KIFAP3: variants seen among roughly 807,000 people sequenced by gnomAD.
KIFAP3 encodes kinesin associated protein 3, also known as kinesin-associated protein 3.
A neutral mutation model predicts 106.5 loss-of-function variants in KIFAP3; 68 were observed. The observed-to-expected ratio is 0.64, with a 90% CI of 0.53 to 0.78. The LOEUF is 0.78. KIFAP3 is among the 30% of genes least tolerant of loss of function. The pLI, the probability that KIFAP3 is intolerant of heterozygous loss-of-function variation, is 0.00. For missense variants in KIFAP3, 780 were observed against 941.8 expected (o/e 0.83, Z 2.25); for synonymous variants, 320 against 311.5 (o/e 1.03, Z -0.29).
chr1:169,999,699 T>C (rs1055910260), intron 10 of KIFAP3, among the ~76,000 whole-genome samples: 1 of 152,186 alleles, frequency 6.6e-6, no homozygotes, highest in African/African-American at 2.4e-5. Flanking sequence ...GAATTCACCG[T>C]TAATTAGCTG....
intron 19 of KIFAP3, 132 bp from the exon 20 acceptor site, chr1:169,921,913 A>G: frequency 2.0e-6 from 1 of 512,684 alleles, no homozygotes; most frequent in Non-Finnish European, 3.1e-6. Flanking sequence ...GGATATCATT[A>G]ACTTTTTTTT....
chr1:169,953,704 C>T (rs938560940), intron 19 of KIFAP3, among the ~76,000 whole-genome samples: 10 of 152,080 alleles, frequency 6.6e-5, no homozygotes, highest in African/African-American at 4.8e-5. Context: ...TTAGTAGAGA[C>T]GGGGTTTCAC....
At chr1:169,931,331 A>G (rs1663464308) in intron 19 of KIFAP3, among the ~76,000 whole-genome samples, 1 of 152,196 alleles carries the variant, frequency 6.6e-6, no homozygotes, top group African/African-American at 2.4e-5. Context: ...AAATAACTGG[A>G]GCCATTAAAA....
intron 19 of KIFAP3, among the ~76,000 whole-genome samples, chr1:169,943,348 CTG>C (rs1356616577): frequency 6.6e-6 from 1 of 152,022 alleles, no homozygotes; most frequent in Admixed American, 6.5e-5. Flanking sequence ...AATCTAACAA[CTG>C]TTCATAAATA....
intron 6 of KIFAP3, 110 bp from the exon 7 acceptor site, chr1:170,034,606 A>G: frequency 4.0e-6 from 2 of 499,746 alleles, no homozygotes; most frequent in Non-Finnish European, 6.8e-6. Flanking sequence ...AATTTGATAT[A>G]CATATTTTAA....
At chr1:169,998,738 C>T (rs953506456) in intron 10 of KIFAP3, among the ~76,000 whole-genome samples, 2 of 152,080 alleles carry the variant, frequency 1.3e-5, no homozygotes, top group African/African-American at 4.8e-5. Flanking sequence ...TAGTTCTATC[C>T]TACAGTTACA....
intron 16 of KIFAP3, among the ~76,000 whole-genome samples, chr1:169,977,594 T>C (rs1666290883): frequency 6.6e-6 from 1 of 152,184 alleles, no homozygotes; most frequent in African/African-American, 2.4e-5. Flanking sequence ...CAATGCTCTT[T>C]AGGCTACAAC....
chr1:169,992,589 G>GATAAATA (rs1367062249), intron 10 of KIFAP3, among the ~76,000 whole-genome samples: 4 of 152,026 alleles, frequency 2.6e-5, no homozygotes, highest in African/African-American at 9.7e-5. Context: ...ATCAAAATAT[G>GATAAATA]TGATTAATAC....
intron 1 of KIFAP3, among the ~76,000 whole-genome samples, chr1:170,069,611 A>C (rs941814546): frequency 6.6e-6 from 1 of 152,126 alleles, no homozygotes; most frequent in Non-Finnish European, 1.5e-5. Context: ...ACAAAACCCA[A>C]CATCTTTTCA....
intron 16 of KIFAP3, among the ~76,000 whole-genome samples, chr1:169,976,528 A>G (rs544979394): frequency 6.6e-6 from 1 of 152,306 alleles, no homozygotes; most frequent in Admixed American, 6.5e-5. Flanking sequence ...GTTCAAAAGC[A>G]TATTTGGAGT....
At chr1:170,054,245 A>C (rs1018185691) in intron 2 of KIFAP3, among the ~76,000 whole-genome samples, 2 of 152,236 alleles carry the variant, frequency 1.3e-5, no homozygotes, top group African/African-American at 4.8e-5. Flanking sequence ...ACATGAAAAG[A>C]AGCTCATCAT....
At chr1:169,989,347 C>T (rs1313462689) in intron 11 of KIFAP3, among the ~76,000 whole-genome samples, 1 of 151,858 alleles carries the variant, frequency 6.6e-6, no homozygotes, top group Non-Finnish European at 1.5e-5. Flanking sequence ...TTATTTAATG[C>T]TATTCTCTTT....
rs146471865 is a variant in KIFAP3, at chr1:170,062,358, A to G, written c.33-6922T>C. On this transcript the variant is annotated intron_variant, in intron 1 of 19. Transcript: ENST00000361580. ...TATTAACACTGCTTTTCATTGTTAC[A>G]AAACTCTTTTTGTGTTTGGTTTTTT... is the stretch of plus-strand genomic sequence containing the variant. Among the ~76,000 whole-genome samples, 71 of 151,792 alleles carry G rather than the reference A, an allele frequency of 4.7e-4. 1 individual carries two copies. The East Asian group carries it at 0.013, about 28-fold the overall frequency.
chr1:170,030,395 A>T (rs1006069736), intron 8 of KIFAP3, among the ~76,000 whole-genome samples: 6 of 151,888 alleles, frequency 4.0e-5, no homozygotes, highest in African/African-American at 1.4e-4. Flanking sequence ...TATAAAAACA[A>T]CTATTATAGA....
At chr1:169,935,899 T>C (rs551970182) in intron 19 of KIFAP3, among the ~76,000 whole-genome samples, 19 of 152,138 alleles carry the variant, frequency 1.2e-4, no homozygotes, top group African/African-American at 4.1e-4. Context: ...GTCTGAGTTC[T>C]ATCTAATTCA....
chr1:169,941,073 T>C (rs1447731506), intron 19 of KIFAP3, among the ~76,000 whole-genome samples: 5 of 152,178 alleles, frequency 3.3e-5, no homozygotes, highest in Non-Finnish European at 7.4e-5. Context: ...AAGCAAACTA[T>C]AGAAAAGGCC....
rs116189121 is a variant in KIFAP3, at chr1:169,979,860, C to A, written c.1799-1677G>T. Among the ~76,000 whole-genome samples the A allele has an allele frequency of 9.3e-3, 1,413 of 152,188 alleles. 25 individuals carry two copies. Among genetic ancestry groups the A allele is most frequent in the African/African-American group, 0.031 (1,282 of 41,526 alleles). On this transcript the variant is annotated intron_variant, in intron 15 of 19. Transcript: ENST00000361580. The stretch of plus-strand genomic sequence containing the variant: ...CATTATTTATAATAGTCCTCCCCCC[C>A]ACAAAAACCTAACTCTACTATCCAT...
intron 15 of KIFAP3, among the ~76,000 whole-genome samples, chr1:169,979,352 T>C (rs1342487747): frequency 6.6e-6 from 1 of 152,108 alleles, no homozygotes; most frequent in Admixed American, 6.6e-5. Flanking sequence ...TAAATACAAA[T>C]ATGCTAAAAT....
At chr1:169,960,685 T>C (rs1451378731) in intron 18 of KIFAP3, among the ~76,000 whole-genome samples, 1 of 152,072 alleles carries the variant, frequency 6.6e-6, no homozygotes, top group African/African-American at 2.4e-5. Flanking sequence ...AAACAAATGA[T>C]GAATAAATTA....
Sources: allele counts gnomAD v4.1 joint callset (sites outside exome capture counted in the v4.1 genomes callset), GRCh38; gene constraint gnomAD v4.1.1; transcripts MANE v1.5; gene names NCBI Gene and HGNC (gene_info 2026-07-23, HGNC 2026-07-21).